LSAMP: variants seen among roughly 807,000 people sequenced by gnomAD.
LSAMP encodes limbic system-associated membrane protein.
Under a neutral mutation model 38.6 loss-of-function variants are expected in LSAMP, and 7 were observed. The observed-to-expected ratio is 0.18, with a 90% confidence interval of 0.10 to 0.34. The LOEUF is 0.34. LSAMP is among the 10% of genes least tolerant of loss of function. The pLI is 1.00. For missense variants in LSAMP, 313 were observed against 420.0 expected (o/e 0.75, Z 2.23); for synonymous variants, 154 against 166.8 (o/e 0.92, Z 0.59).
intron 3 of LSAMP, among the ~76,000 whole-genome samples, chr3:115,961,009 C>A (rs1227748229): frequency 6.6e-6 from 1 of 152,174 alleles, no homozygotes. Context: ...CTGCTCTGTG[C>A]AAGCCACATT....
intron 1 of LSAMP, among the ~76,000 whole-genome samples, chr3:116,312,226 C>G (rs2047567279): frequency 6.6e-6 from 1 of 152,152 alleles, no homozygotes; most frequent in Non-Finnish European, 1.5e-5. Context: ...AATAATCCAT[C>G]AGGGTTGATC....
intron 3 of LSAMP, among the ~76,000 whole-genome samples, chr3:115,911,677 CATTT>C (rs1233789504): frequency 1.3e-5 from 2 of 152,206 alleles, no homozygotes; most frequent in African/African-American, 4.8e-5. Flanking sequence ...ATAACTCTCT[CATTT>C]ATTTGAGACA....
chr3:116,243,733 T>A (rs1559796789), intron 1 of LSAMP, among the ~76,000 whole-genome samples: 1 of 152,200 alleles, frequency 6.6e-6, no homozygotes, highest in Non-Finnish European at 1.5e-5. Flanking sequence ...TCAGAAATCA[T>A]ATGCTGTTAC....
At chr3:116,154,340 G>A (rs1438746824) in intron 1 of LSAMP, among the ~76,000 whole-genome samples, 1 of 152,036 alleles carries the variant, frequency 6.6e-6, no homozygotes, top group Non-Finnish European at 1.5e-5. Flanking sequence ...AATAACAAAA[G>A]TTGGAACACA....
At chr3:116,112,256 A>C (rs926577620) in intron 1 of LSAMP, among the ~76,000 whole-genome samples, 1 of 152,228 alleles carries the variant, frequency 6.6e-6, no homozygotes, top group Non-Finnish European at 1.5e-5. Flanking sequence ...CAACTAATCA[A>C]AACCAATCAT....
intron 1 of LSAMP, among the ~76,000 whole-genome samples, chr3:116,432,397 A>C (rs2049292965): frequency 6.6e-6 from 1 of 151,806 alleles, no homozygotes; most frequent in African/African-American, 2.4e-5. Flanking sequence ...ATATAGATTA[A>C]ATATATTCAT....
intron 3 of LSAMP, among the ~76,000 whole-genome samples, chr3:115,898,915 T>A (rs946031732): frequency 6.6e-6 from 1 of 152,080 alleles, no homozygotes; most frequent in African/African-American, 2.4e-5. Flanking sequence ...CACACTTAAG[T>A]CTGGGTTGCA....
intron 1 of LSAMP, among the ~76,000 whole-genome samples, chr3:116,239,512 A>G (rs1434527155): frequency 1.3e-5 from 2 of 152,230 alleles, no homozygotes; most frequent in Non-Finnish European, 2.9e-5. Context: ...AAGATAGTAT[A>G]TTAGGGAATA....
chr3:115,808,950 G>C lies in LSAMP; in HGVS notation c.*1367C>G, dbSNP rs1434653139. ...CAATCTCTGCTCAGGGGAATTCATG[G>C]GACAAATGTTATTTAAGATTAGGGA... is the stretch of plus-strand genomic sequence containing the variant. On this transcript the variant is annotated 3_prime_UTR_variant, in exon 7 of 7. Transcript: ENST00000490035. 6.6e-6 allele frequency: 1 copy of C among 152,098 alleles called. No individual in the cohort carries two copies. Among genetic ancestry groups the C allele is most frequent in the Non-Finnish European group, 1.5e-5 (1 of 68,026 alleles). The allele number at this position is 152,098 out of a possible 1,614,324, so 9.4% of individuals were successfully genotyped here.
intron 1 of LSAMP, among the ~76,000 whole-genome samples, chr3:116,426,899 TA>T (rs11361820): frequency 0.84 from 124,129 of 148,164 alleles, 52,040 homozygotes; most frequent in Middle Eastern, 0.96. Flanking sequence ...GCCTCAAGGT[TA>T]AAAAAAAAAA....
chr3:116,147,926 T>G (rs1384290975), intron 1 of LSAMP, among the ~76,000 whole-genome samples: 1 of 151,980 alleles, frequency 6.6e-6, no homozygotes, highest in African/African-American at 2.4e-5. Flanking sequence ...GGTCTAACTC[T>G]TCCTTATTCT....
At chr3:116,288,507 A>G (rs1479048878) in intron 1 of LSAMP, among the ~76,000 whole-genome samples, 1 of 152,208 alleles carries the variant, frequency 6.6e-6, no homozygotes, top group Non-Finnish European at 1.5e-5. Context: ...GGGGACCCAT[A>G]GAGTGAAGAT....
chr3:116,156,177 T>A (rs1709742800), intron 1 of LSAMP, among the ~76,000 whole-genome samples: 1 of 151,918 alleles, frequency 6.6e-6, no homozygotes, highest in Admixed American at 6.6e-5. Flanking sequence ...AAATGTATAA[T>A]CCCACACTGC....
intron 1 of LSAMP, among the ~76,000 whole-genome samples, chr3:116,087,892 G>A (rs1436616012): frequency 6.6e-6 from 1 of 151,212 alleles, no homozygotes; most frequent in Non-Finnish European, 1.5e-5. Flanking sequence ...TATTTAGAGG[G>A]AGATTTTTTT....
intron 1 of LSAMP, among the ~76,000 whole-genome samples, chr3:116,232,050 TA>T (rs1190041795): frequency 6.6e-6 from 1 of 152,212 alleles, no homozygotes; most frequent in Admixed American, 6.5e-5. Flanking sequence ...CTACAACTTA[TA>T]AATGGGAATA....
chr3:116,018,394 G>A (rs1037672227), intron 3 of LSAMP, among the ~76,000 whole-genome samples: 2 of 152,112 alleles, frequency 1.3e-5, no homozygotes, highest in South Asian at 2.1e-4. Context: ...TTTTAGAAAT[G>A]TCTCAGTTTA....
intron 6 of LSAMP, among the ~76,000 whole-genome samples, chr3:115,819,169 G>C (rs1291854038): frequency 6.6e-6 from 1 of 150,660 alleles, no homozygotes; most frequent in African/African-American, 2.4e-5. Flanking sequence ...AAAGTGGCCC[G>C]GCTCAGTGGC....
intron 3 of LSAMP, among the ~76,000 whole-genome samples, chr3:115,907,819 G>A (rs1190645913): frequency 2.0e-5 from 3 of 152,112 alleles, no homozygotes; most frequent in Non-Finnish European, 1.5e-5. Context: ...AAGAAACAGA[G>A]AGTTGTATGC....
At chr3:116,432,606 T>C (rs1217670186) in intron 1 of LSAMP, among the ~76,000 whole-genome samples, 2 of 152,118 alleles carry the variant, frequency 1.3e-5, no homozygotes, top group Non-Finnish European at 2.9e-5. Context: ...ATTCTATCTA[T>C]AACTTCTGGC....
Sources: allele counts gnomAD v4.1 joint callset (sites outside exome capture counted in the v4.1 genomes callset), GRCh38; gene constraint gnomAD v4.1.1; transcripts MANE v1.5; gene names NCBI Gene and HGNC (gene_info 2026-07-23, HGNC 2026-07-21).